The following JAK2 variants were observed in gnomAD, a reference collection of about 807,000 sequenced individuals.
JAK2 encodes the protein Janus kinase 2.
Under a neutral mutation model 139.3 loss-of-function variants are expected in JAK2, and 86 were observed. The ratio of observed to expected loss-of-function variants is 0.62; its 90% CI spans 0.52 to 0.74. The LOEUF is 0.74. Among genes scored for constraint, JAK2 ranks in the 30% least tolerant of loss-of-function variants. The probability of loss-of-function intolerance (pLI) is 0.00; values close to 1 mark genes in which losing one functional copy is unlikely to be tolerated. For missense variants in JAK2, 1,421 were observed against 1,360.3 expected (o/e 1.04, Z -0.70); for synonymous variants, 490 against 437.7 (o/e 1.12, Z -1.49).
intron 2 of JAK2, among the ~76,000 whole-genome samples, chr9:5,015,538 CTTTTTT>C (rs35167433): frequency 9.1e-6 from 1 of 109,650 alleles, no homozygotes; most frequent in South Asian, 2.8e-4. Context: ...TTTTTCTTTT[CTTTTTT>C]TTTTTTTTGA....
At chr9:5,056,388 T>C (rs1267103174) in intron 8 of JAK2, among the ~76,000 whole-genome samples, 2 of 152,112 alleles carry the variant, frequency 1.3e-5, no homozygotes, top group African/African-American at 4.8e-5. Flanking sequence ...TCTTTTTAAC[T>C]CAGATGCTTC....
At chr9:5,008,547 G>C (rs575336461) in intron 2 of JAK2, among the ~76,000 whole-genome samples, 7 of 152,254 alleles carry the variant, frequency 4.6e-5, no homozygotes, top group Admixed American at 3.3e-4. Flanking sequence ...GGGCCCATTT[G>C]AGTATGAATC....
chr9:5,075,848 G>GT (rs1819274056), intron 14 of JAK2, among the ~76,000 whole-genome samples: 1 of 152,122 alleles, frequency 6.6e-6, no homozygotes, highest in African/African-American at 2.4e-5. Context: ...TCTGGGTAAA[G>GT]TAAGTAGAAA....
chr9:5,062,436 TG>T (rs1226249388), intron 8 of JAK2, among the ~76,000 whole-genome samples: 2 of 143,010 alleles, frequency 1.4e-5, no homozygotes, highest in African/African-American at 5.4e-5. Context: ...CATATGCTAT[TG>T]GAAAAATTGC....
intron 8 of JAK2, among the ~76,000 whole-genome samples, chr9:5,062,212 C>T (rs1376505292): frequency 1.3e-5 from 2 of 151,802 alleles, no homozygotes; most frequent in Non-Finnish European, 2.9e-5. Flanking sequence ...TGACATTTTG[C>T]ATATATGGGT....
At chr9:5,081,988 C>T (rs914486878) in intron 19 of JAK2, 127 bp downstream of exon 19, 4 of 764,924 alleles carry the variant, frequency 5.2e-6, no homozygotes, top group African/African-American at 3.5e-5. Flanking sequence ...GTTTGGTTGT[C>T]AGATGTTGGA....
chr9:5,037,291 C>T (rs1393276358), intron 4 of JAK2, among the ~76,000 whole-genome samples: 4 of 152,116 alleles, frequency 2.6e-5, no homozygotes, highest in Non-Finnish European at 5.9e-5. Context: ...TTGTGGAAGT[C>T]AGTGTGGCGA....
chr9:5,041,266 CG>C (rs1816485104), intron 4 of JAK2: 1 of 1,307,594 alleles, frequency 7.6e-7, no homozygotes, highest in Admixed American at 1.8e-5. Context: ...TCATCGACCT[CG>C]GGCTGGCCAA....
Position 5,090,731 on chromosome 9 carries a change from A to T in JAK2, c.2887-8A>T. 6.3e-7 allele frequency: 1 copy of T among 1,582,820 alleles called. No individual in the cohort carries two copies. Among genetic ancestry groups the T allele is most frequent in the Non-Finnish European group, 8.5e-7 (1 of 1,170,498 alleles). ...AAACTAGCTGAAAGAAAAATGTTTT[A>T]TCCATAGGGTATGGAGTATCTTGGT... On this transcript the variant is annotated splice_region_variant and splice_polypyrimidine_tract_variant and intron_variant, in intron 21 of 24. Transcript: ENST00000381652.
chr9:5,033,536 G>T (rs1823329180), intron 4 of JAK2, among the ~76,000 whole-genome samples: 1 of 152,174 alleles, frequency 6.6e-6, no homozygotes, highest in South Asian at 2.1e-4. Context: ...ACTAACAGCA[G>T]ATCTCTTGGC....
rs375510643 is a variant in JAK2 at position 5,087,826 on chromosome 9, ATATT to A, written c.2572-1840_2572-1837del. On this transcript the variant is annotated intron_variant, in intron 19 of 24. Transcript: ENST00000381652. ...GTATCCTTAATAGAGATGTACACAA[ATATT>A]TATTTATAAGAATATTATTGCAATG... Among the ~76,000 whole-genome samples, 160 of 152,314 alleles carry A rather than the reference ATATT, an allele frequency of 1.1e-3. 2 individuals are homozygous for A. In the East Asian group the frequency reaches 0.023, roughly 21 times the overall value.
intron 19 of JAK2, among the ~76,000 whole-genome samples, chr9:5,087,467 C>G (rs1365560439): frequency 8.9e-6 from 1 of 112,398 alleles, no homozygotes; most frequent in Non-Finnish European, 1.6e-5. Context: ...CAATGCCAAA[C>G]CATATCACTC....
chr9:5,078,417 A>G lies in JAK2; in HGVS notation c.2104A>G (p.Ile702Val), dbSNP rs764206046. 4.3e-6 allele frequency: 7 copies of G among 1,612,940 alleles called. No individual in the cohort carries two copies. In the African/African-American group the frequency reaches 6.7e-5, roughly 15 times the overall value. Residue 702 changes from isoleucine (I) to valine (V), a missense_variant, in exon 16 of 25, where the codon ATT (isoleucine) becomes GTT (valine). Ile to Val is a conservative substitution (Grantham distance 29). Transcript: ENST00000381652. Reference sequence around the variant, plus strand: ...TTTCATCAAACTTAGTGATCCTGGCATTAGTATTACAGTTTTGCCAAAGGA... The same window carrying G: ...TTTCATCAAACTTAGTGATCCTGGCGTTAGTATTACAGTTTTGCCAAAGGA... ...PPFIKLSDPG[I>V]SITVLPKDIL...
At chr9:5,047,242 T>G (rs1443361016) in intron 5 of JAK2, among the ~76,000 whole-genome samples, 1 of 152,242 alleles carries the variant, frequency 6.6e-6, no homozygotes, top group East Asian at 1.9e-4. Flanking sequence ...ATGTGACCAG[T>G]GGCATTACCA....
chr9:5,050,363 A>G (rs1586704343), intron 5 of JAK2, among the ~76,000 whole-genome samples: 1 of 152,254 alleles, frequency 6.6e-6, no homozygotes, highest in African/African-American at 2.4e-5. Context: ...TGGTGTGATC[A>G]TAGCTGAAGA....
chr9:5,021,813 T>C (rs1822450556), intron 2 of JAK2, 150 bp from the exon 3 acceptor site: 5 of 577,396 alleles, frequency 8.7e-6, no homozygotes, highest in Non-Finnish European at 1.2e-5. Flanking sequence ...TGTATGTTTT[T>C]GTAGAGATGA....
At chr9:5,102,289 C>G (rs1377318180) in intron 22 of JAK2, among the ~76,000 whole-genome samples, 1 of 151,992 alleles carries the variant, frequency 6.6e-6, no homozygotes, top group Admixed American at 6.5e-5. Flanking sequence ...GAAAGGGTAT[C>G]AGTGATTGAA....
At chr9:5,116,611 T>C (rs1236732438) in intron 22 of JAK2, among the ~76,000 whole-genome samples, 7 of 152,098 alleles carry the variant, frequency 4.6e-5, no homozygotes, top group Admixed American at 4.6e-4. Flanking sequence ...GATTCAGAGA[T>C]TTGGTTATAC....
At chr9:5,085,749 C>A in intron 19 of JAK2, 1 of 754,566 alleles carries the variant, frequency 1.3e-6, no homozygotes, top group Non-Finnish European at 2.5e-6. Context: ...GGCGCGCTGG[C>A]TAGCTTGCAC....
Sources: gnomAD v4.1 joint callset for allele counts (sites outside exome capture counted in the v4.1 genomes callset) on GRCh38, gnomAD v4.1.1 for gene constraint, MANE v1.5 for transcripts, NCBI Gene and HGNC (gene_info 2026-07-23, HGNC 2026-07-21) for gene names.